ANKRD28: variants seen among roughly 807,000 people sequenced by gnomAD.
The protein encoded by ANKRD28 is ankyrin repeat domain 28.
A neutral mutation model predicts 126.5 loss-of-function variants in ANKRD28; 44 were observed. The observed-to-expected ratio is 0.35, with a 90% CI of 0.27 to 0.45. The LOEUF is 0.45. Among genes scored for constraint, ANKRD28 ranks in the 20% least tolerant of loss-of-function variants. The pLI, the probability that ANKRD28 is intolerant of heterozygous loss-of-function variation, is 1.00. For missense variants in ANKRD28, 1,110 were observed against 1,316.6 expected (o/e 0.84, Z 2.43); for synonymous variants, 442 against 468.5 (o/e 0.94, Z 0.73).
At chr3:15,675,794 T>C in intron 27 of ANKRD28, 104 bp downstream of exon 27, 1 of 968,902 alleles carries the variant, frequency 1.0e-6, no homozygotes, top group South Asian at 2.1e-5. Context: ...TAACTTTAGC[T>C]CTCCTCTTTG....
chr3:15,858,803 T>A (rs934505800), intron 1 of ANKRD28, among the ~76,000 whole-genome samples: 1 of 152,192 alleles, frequency 6.6e-6, no homozygotes, highest in Non-Finnish European at 1.5e-5. Context: ...GAATTACAAG[T>A]CATTTTGACT....
chr3:15,835,081 G>C (rs556434073), intron 1 of ANKRD28, among the ~76,000 whole-genome samples: 100 of 152,306 alleles, frequency 6.6e-4, no homozygotes, highest in African/African-American at 2.4e-3. Flanking sequence ...TTGGGAGATG[G>C]AGGTTGCAGT....
At chr3:15,855,809 G>C (rs577178030) in intron 1 of ANKRD28, among the ~76,000 whole-genome samples, 2 of 152,302 alleles carry the variant, frequency 1.3e-5, no homozygotes, top group East Asian at 3.9e-4. Flanking sequence ...TGGGTATGGG[G>C]TTTCTTTTTG....
At chr3:15,844,647 T>A (rs2061493177) in intron 1 of ANKRD28, among the ~76,000 whole-genome samples, 1 of 152,108 alleles carries the variant, frequency 6.6e-6, no homozygotes, top group Non-Finnish European at 1.5e-5. Context: ...AGTTAAAACA[T>A]AGGAGGTTCT....
chr3:15,772,367 CAT>C (rs1339360583), intron 2 of ANKRD28, among the ~76,000 whole-genome samples: 10 of 152,072 alleles, frequency 6.6e-5, no homozygotes, highest in African/African-American at 1.9e-4. Flanking sequence ...ATCCCCAAAA[CAT>C]AAAAAGATGA....
rs975507530 is a variant in ANKRD28 at position 15,803,904 on chromosome 3, C to A, written c.28-8598G>T. Among the ~76,000 whole-genome samples the A allele has an allele frequency of 3.5e-5, 5 of 144,784 alleles. 1 individual carries two copies. The highest frequency in any genetic ancestry group is 3.4e-4 in the Admixed American group (5 of 14,612). 95.0% of individuals were successfully genotyped at this position (144,784 alleles called of 152,430 possible). A position where few individuals can be genotyped will look rare whatever the true frequency, so the allele number is the denominator to read the frequency against. ...ATCTTAGCATCTACCCTCATGACTT[C>A]TAAATGAAATGTTAAATCCCAAAGT... On this transcript the variant is annotated intron_variant, in intron 1 of 27. Transcript: ENST00000399451.
In ANKRD28 at chr3:15,712,240, G is replaced by C; in HGVS notation, c.1191-18C>G. 1 of 1,542,076 alleles carries C rather than the reference G, an allele frequency of 6.5e-7. No individual in the cohort carries two copies. On this transcript the variant is annotated intron_variant, in intron 10 of 27. Coordinates refer to ENST00000683139, the MANE Select transcript of ANKRD28 (RefSeq NM_001349278.2). ...TGCCACGCCTAAAGTTAATAGAACA[G>C]GACAGTATCTTCATTTTAACACAAG...
rs2068110332 is a variant in ANKRD28, at chr3:15,686,219, T to C, written c.2051+3A>G. On this transcript the variant is annotated splice_donor_region_variant and intron_variant, in intron 19 of 27. Coordinates refer to ENST00000683139, the MANE Select transcript of ANKRD28 (RefSeq NM_001349278.2). ...GATGCAACAATTATTTATCGAAACT[T>C]ACTGTCCATTTCCATCTTGAATATC... 2 of 1,590,510 alleles carry C rather than the reference T, an allele frequency of 1.3e-6. No homozygotes were observed. The highest frequency in any genetic ancestry group is 1.7e-6 in the Non-Finnish European group (2 of 1,167,070).
upstream of ANKRD28, among the ~76,000 whole-genome samples, chr3:15,799,898 G>A (rs975950104): frequency 3.3e-5 from 5 of 152,108 alleles, no homozygotes; most frequent in Non-Finnish European, 5.9e-5. Context: ...CTGTCGTCAC[G>A]AGACTCTGGA....
At chr3:15,847,206 C>G (rs939390834) in intron 1 of ANKRD28, among the ~76,000 whole-genome samples, 2 of 152,028 alleles carry the variant, frequency 1.3e-5, no homozygotes, top group Non-Finnish European at 2.9e-5. Context: ...AAACAAGAAA[C>G]TTTTCCATGA....
In ANKRD28 at chr3:15,797,068, A is replaced by G. The variant is rs543881047; in HGVS notation, c.-547T>C. 48 of 985,328 alleles carry G rather than the reference A, an allele frequency of 4.9e-5. No homozygotes were observed. The African/African-American group carries it at 7.8e-4, about 16-fold the overall frequency. The allele number at this position is 985,328 out of a possible 1,614,324, so 61.0% of individuals were successfully genotyped here. On this transcript the variant is annotated 5_prime_UTR_variant, in exon 1 of 28. Coordinates refer to ENST00000683139, the MANE Select transcript of ANKRD28 (RefSeq NM_001349278.2). ...TCTCACTATTCTGTTTCCACTTCTA[A>G]TTTGTCTTCATTTCTTCATCACTGG...
chr3:15,725,515 C>T (rs2074088265), intron 6 of ANKRD28, among the ~76,000 whole-genome samples: 1 of 152,152 alleles, frequency 6.6e-6, no homozygotes, highest in African/African-American at 2.4e-5. Flanking sequence ...GCAAATATTG[C>T]ATCTTGTTTC....
At position 15,814,419 on chromosome 3, in the gene ANKRD28, A is replaced by G; in HGVS notation, c.28-19113T>C. 2.2e-6 allele frequency: 1 copy of G among 445,536 alleles called. No individual in the cohort carries two copies. Among genetic ancestry groups the G allele is most frequent in the African/African-American group, 2.1e-5 (1 of 47,022 alleles). The allele number at this position is 445,536 out of a possible 1,614,324, so 27.6% of individuals were successfully genotyped here. ...TAACAAAACATTGAATTATTGGATA[A>G]TATTCAAAAACTTACTTTGGATTTT... On this transcript the variant is annotated intron_variant, in intron 1 of 27. Transcript: ENST00000399451. The surrounding 1 kb of genome is among the most constrained non-coding windows in gnomAD (Gnocchi z 4.7).
rs551196285 is a variant in ANKRD28, at chr3:15,698,798, G to A, written c.1548-2553C>T. On this transcript the variant is annotated intron_variant, in intron 14 of 27. Transcript: ENST00000683139. ...CATGGACAGGAAGAATCAATATTGT[G>A]AAAATGGCCATACTACCCGAGGTAC... 1.7e-3 allele frequency among the ~76,000 whole-genome samples: 257 copies of A among 152,246 alleles called. 2 individuals carry two copies. Among genetic ancestry groups the A allele is most frequent in the Middle Eastern group, 6.8e-3 (2 of 294 alleles).
At chr3:15,679,175 G>A (rs1047724291) in intron 23 of ANKRD28, 126 bp downstream of exon 23, 2 of 793,594 alleles carry the variant, frequency 2.5e-6, no homozygotes, top group Admixed American at 2.1e-5. Flanking sequence ...TTGCTATGTT[G>A]ACCAGGCTGG....
chr3:15,692,241 A>T (rs1473355381), intron 17 of ANKRD28, among the ~76,000 whole-genome samples: 1 of 151,998 alleles, frequency 6.6e-6, no homozygotes, highest in African/African-American at 2.4e-5. Flanking sequence ...ACTTGAGGCC[A>T]GGAGTTTGAG....
At chr3:15,691,040 C>T (rs541825228) in intron 17 of ANKRD28, among the ~76,000 whole-genome samples, 17 of 152,116 alleles carry the variant, frequency 1.1e-4, no homozygotes, top group African/African-American at 1.7e-4. Flanking sequence ...AATGCATAAC[C>T]GAGCCCTGCT....
rs1426245589 is a variant in ANKRD28, at chr3:15,686,271, C to G, written c.2002G>C (p.Gly668Arg). The stretch of plus-strand genomic sequence containing the variant: ...ACTGCATTCTGTGGTTCTGCATTTC[C>G]TATTAATAGCCGTAAGCATTCTGAA... ...GHSECLRLLI[G>R]NAEPQNAVDI... The change falls in exon 19 of 28, where the codon GGA becomes CGA. Residue 668 changes from glycine to arginine, a missense_variant. By Grantham distance (125) the Gly-to-Arg change is moderately radical (BLOSUM62 -2). Transcript: ENST00000683139. 24 of 1,591,168 alleles carry G rather than the reference C, an allele frequency of 1.5e-5. No individual in the cohort carries two copies. Among genetic ancestry groups the G allele is most frequent in the Non-Finnish European group, 1.7e-5 (20 of 1,167,478 alleles).
Position 15,853,831 on chromosome 3 carries a change from C to T in ANKRD28, c.27+5546G>A, listed in dbSNP as rs2061704651. ...ATTTACCCTACTGGAACTATGTATCCAAAAAATTACCAATTATCATACAAA... is the reference window on the plus strand; with the variant it reads ...ATTTACCCTACTGGAACTATGTATCTAAAAAATTACCAATTATCATACAAA... On this transcript the variant is annotated intron_variant, in intron 1 of 27. Coordinates refer to the ANKRD28 transcript ENST00000399451. The surrounding 1 kb of genome is among the most constrained non-coding windows in gnomAD (Gnocchi z 4.2). 6.6e-6 allele frequency among the ~76,000 whole-genome samples: 1 copy of T among 151,956 alleles called. No individual in the cohort carries two copies. Among genetic ancestry groups the T allele is most frequent in the South Asian group, 2.1e-4 (1 of 4,820 alleles).
Sources: allele counts gnomAD v4.1 joint callset (sites outside exome capture counted in the v4.1 genomes callset), GRCh38; gene constraint gnomAD v4.1.1; non-coding constraint Gnocchi (gnomAD v3.1); transcripts MANE v1.5; gene names NCBI Gene and HGNC (gene_info 2026-07-23, HGNC 2026-07-21).